The following PACSIN1 variants were observed in gnomAD, a reference collection of about 807,000 sequenced individuals.
PACSIN1 encodes protein kinase C and casein kinase substrate in neurons protein 1.
A neutral mutation model predicts 59.5 loss-of-function variants in PACSIN1; 15 were observed. The ratio of observed to expected loss-of-function variants is 0.25; its 90% CI spans 0.17 to 0.39. The LOEUF (loss-of-function observed/expected upper bound fraction) is 0.39, where lower values mean the gene tolerates loss of function less well. Among genes scored for constraint, PACSIN1 ranks in the 10% least tolerant of loss-of-function variants. The pLI is 1.00. For synonymous variants in PACSIN1, 210 were observed against 220.6 expected (o/e 0.95, Z 0.42); for missense variants, 420 against 580.2 (o/e 0.72, Z 2.84).
intron 1 of PACSIN1, among the ~76,000 whole-genome samples, chr6:34,499,531 C>G (rs1016991694): frequency 1.3e-5 from 2 of 152,042 alleles, no homozygotes; most frequent in African/African-American, 4.8e-5. Flanking sequence ...CAGTGGCTCA[C>G]GCCTGTAATC....
intron 1 of PACSIN1, among the ~76,000 whole-genome samples, chr6:34,522,727 AG>A (rs1432159652): frequency 6.6e-6 from 1 of 152,204 alleles, no homozygotes; most frequent in Non-Finnish European, 1.5e-5. Flanking sequence ...CCTGAGAACC[AG>A]GGGGGCCATG....
intron 1 of PACSIN1, among the ~76,000 whole-genome samples, chr6:34,517,056 A>C (rs1321097438): frequency 6.6e-6 from 1 of 152,150 alleles, no homozygotes; most frequent in African/African-American, 2.4e-5. Flanking sequence ...TCAGGGCTCC[A>C]GAACTGAGCT....
At chr6:34,507,384 T>C (rs1175164939) in intron 1 of PACSIN1, among the ~76,000 whole-genome samples, 1 of 152,034 alleles carries the variant, frequency 6.6e-6, no homozygotes, top group African/African-American at 2.4e-5. Context: ...ATAGGGGTGG[T>C]TTTAGCAGGA....
intron 1 of PACSIN1, among the ~76,000 whole-genome samples, chr6:34,485,780 G>T (rs1306007903): frequency 6.6e-6 from 1 of 152,202 alleles, no homozygotes; most frequent in African/African-American, 2.4e-5. Flanking sequence ...GACACAGAGT[G>T]GGAGTGTGGT....
intron 1 of PACSIN1, among the ~76,000 whole-genome samples, chr6:34,482,569 C>A (rs768666329): frequency 7.9e-5 from 12 of 151,994 alleles, no homozygotes; most frequent in Non-Finnish European, 1.6e-4. Context: ...ATGAATAATA[C>A]TTCTAAGAAC....
intron 1 of PACSIN1, among the ~76,000 whole-genome samples, chr6:34,490,251 G>C (rs1554168402): frequency 1.1e-5 from 1 of 89,306 alleles, no homozygotes; most frequent in Non-Finnish European, 2.0e-5. Flanking sequence ...TTTTTTTGTA[G>C]AGACAGGGTC....
chr6:34,514,609 G>A lies in PACSIN1; in HGVS notation c.-63-11634G>A, dbSNP rs1339354678. Among the ~76,000 whole-genome samples the A allele has an allele frequency of 6.6e-6, 1 of 152,118 alleles. No individual in the cohort carries two copies. The highest frequency in any genetic ancestry group is 1.9e-4 in the East Asian group (1 of 5,182). On this transcript the variant is annotated intron_variant, in intron 1 of 9. Coordinates refer to ENST00000244458, the MANE Select transcript of PACSIN1 (RefSeq NM_020804.5). The surrounding 1 kb of genome is among the most constrained non-coding windows in gnomAD (Gnocchi z 4.4). ...GAAAGGGAAGAAAGGGGATGGAGCA[G>A]GGCTTCCCAGTCGAGGGCGGCGGCC...
rs1326704806 is a variant in PACSIN1, at chr6:34,518,907, G to T, written c.-63-7336G>T. Among the ~76,000 whole-genome samples the T allele has an allele frequency of 6.6e-6, 1 of 152,228 alleles. No homozygotes were observed. The highest frequency in any genetic ancestry group is 6.5e-5 in the Admixed American group (1 of 15,286). On this transcript the variant is annotated intron_variant, in intron 1 of 9. Transcript: ENST00000244458. The surrounding 1 kb of genome is among the most constrained non-coding windows in gnomAD (Gnocchi z 4.4). The stretch of plus-strand genomic sequence containing the variant: ...GATGAGCCTGCCCCACCTGAAACAG[G>T]CTTAGAGGCCCTCTAAAGATGTGGG...
chr6:34,530,578 A>G lies in PACSIN1; in HGVS notation c.1028A>G (p.Asp343Gly). The G allele has an allele frequency of 6.3e-7, 1 of 1,579,824 alleles. No individual in the cohort carries two copies. The highest frequency in any genetic ancestry group is 8.6e-7 in the Non-Finnish European group (1 of 1,162,748). The change falls in exon 8 of 10, where the codon GAC (aspartate) becomes GGC (glycine). Residue 343 changes from aspartate (D) to glycine (G), a missense_variant. Coordinates refer to ENST00000244458, the MANE Select transcript of PACSIN1 (RefSeq NM_020804.5). This position sits in a 1 kb window ranked among gnomAD's most constrained non-coding sequence, Gnocchi z 4.4. ...GTAGAGTCCACATCCCAGGCTGGGG[A>G]CCGCGGCAGGTGAGTGCCTCCTGTG... Reference protein sequence around the residue: ...GAVESTSQAGDRGSVSSYDRG... With the variant: ...GAVESTSQAGGRGSVSSYDRG...
chr6:34,489,584 C>T (rs1488062441), intron 1 of PACSIN1, among the ~76,000 whole-genome samples: 1 of 152,186 alleles, frequency 6.6e-6, no homozygotes, highest in African/African-American at 2.4e-5. Context: ...GGCCAAAGCA[C>T]CAGTGTGGGG....
In PACSIN1 at chr6:34,530,375, T is replaced by G; in HGVS notation, c.909+12T>G. The G allele has an allele frequency of 7.4e-6, 12 of 1,612,670 alleles. No homozygotes were observed. The highest frequency in any genetic ancestry group is 1.0e-5 in the Non-Finnish European group (12 of 1,179,050). The stretch of plus-strand genomic sequence containing the variant: ...GGCCCCAGTTTGAGGTGAGGATATG[T>G]GGGGATGGGAAGGGGAGCCTGAAGA... On this transcript the variant is annotated intron_variant, in intron 7 of 9. Coordinates refer to ENST00000244458, the MANE Select transcript of PACSIN1 (RefSeq NM_020804.5). This position sits in a 1 kb window ranked among gnomAD's most constrained non-coding sequence, Gnocchi z 4.4.
Position 34,518,511 on chromosome 6 carries a change from A to G in PACSIN1, c.-63-7732A>G, listed in dbSNP as rs1396862751. Among the ~76,000 whole-genome samples, 1 of 152,160 alleles carries G rather than the reference A, an allele frequency of 6.6e-6. No individual in the cohort carries two copies. Among genetic ancestry groups the G allele is most frequent in the Non-Finnish European group, 1.5e-5 (1 of 68,014 alleles). On this transcript the variant is annotated intron_variant, in intron 1 of 9. Transcript: ENST00000244458. This position sits in a 1 kb window ranked among gnomAD's most constrained non-coding sequence, Gnocchi z 4.4. ...GGCTCCCCGAGAAGCCAACCCCAAG[A>G]CAAGGATATGATTCATTTAGGAGGT...
chr6:34,500,182 C>A (rs543091737), intron 1 of PACSIN1, among the ~76,000 whole-genome samples: 1 of 152,162 alleles, frequency 6.6e-6, no homozygotes, highest in East Asian at 1.9e-4. Context: ...TAGGGAAATG[C>A]AAATAAAAAA....
In PACSIN1 at chr6:34,529,510, G is replaced by A. The variant is rs757916545; in HGVS notation, c.570G>A (p.Lys190=). The change falls in exon 5 of 10, where the codon AAG becomes AAA. Residue 190 remains lysine (K), a synonymous_variant. Coordinates refer to ENST00000244458, the MANE Select transcript of PACSIN1 (RefSeq NM_020804.5). The surrounding 1 kb of genome is among the most constrained non-coding windows in gnomAD (Gnocchi z 6.3). Reference sequence around the variant, plus strand: ...CGGTCACACCTGAGCAGCAAAAGAAGCTGCAGGACAAAGTGGACAAGTGCA... The same window carrying A: ...CGGTCACACCTGAGCAGCAAAAGAAACTGCAGGACAAAGTGGACAAGTGCA... ...EQSVTPEQQK[K]LQDKVDKCKQ... 1.2e-5 allele frequency: 19 copies of A among 1,614,188 alleles called. No homozygotes were observed. The highest frequency in any genetic ancestry group is 1.6e-5 in the Non-Finnish European group (19 of 1,180,036).
chr6:34,487,363 A>G (rs551146838), intron 1 of PACSIN1, among the ~76,000 whole-genome samples: 10 of 152,098 alleles, frequency 6.6e-5, no homozygotes, highest in Non-Finnish European at 1.2e-4. Flanking sequence ...ATGGAACTTC[A>G]CAGACATGGA....
chr6:34,531,658 G>C lies in PACSIN1; in HGVS notation c.1096G>C (p.Gly366Arg). 4 of 1,614,032 alleles carry C rather than the reference G, an allele frequency of 2.5e-6. No individual in the cohort carries two copies. The highest frequency in any genetic ancestry group is 3.4e-6 in the Non-Finnish European group (4 of 1,180,024). Residue 366 changes from glycine (G) to arginine (R), a missense_variant, in exon 9 of 10, where the codon GGG (glycine) becomes CGG (arginine). Physicochemically the swap from Gly to Arg is moderately radical, Grantham distance 125 (BLOSUM62 -2). Transcript: ENST00000244458. The surrounding 1 kb of genome is among the most constrained non-coding windows in gnomAD (Gnocchi z 4.4). ...YATEWSDDES[G>R]NPFGGSETNG... The stretch of plus-strand genomic sequence containing the variant: ...CACCGAGTGGTCAGACGACGAGAGT[G>C]GGAACCCCTTTGGGGGCAGTGAGAC...
At position 34,529,566 on chromosome 6, in the gene PACSIN1, G is replaced by C. The variant is rs1458337383; in HGVS notation, c.612+14G>C. 1 of 1,613,896 alleles carries C rather than the reference G, an allele frequency of 6.2e-7. No individual in the cohort carries two copies. The highest frequency in any genetic ancestry group is 8.5e-7 in the Non-Finnish European group (1 of 1,179,922). On this transcript the variant is annotated intron_variant, in intron 5 of 9. Coordinates refer to ENST00000244458, the MANE Select transcript of PACSIN1 (RefSeq NM_020804.5). The surrounding 1 kb of genome is among the most constrained non-coding windows in gnomAD (Gnocchi z 6.3). ...GATGTGCAGAAGGTGCTGGCGGGCA[G>C]GGATGGCAGTAGGGGGTCTGGGGGC...
At chr6:34,519,717 T>C (rs1767355356) in intron 1 of PACSIN1, among the ~76,000 whole-genome samples, 1 of 151,884 alleles carries the variant, frequency 6.6e-6, no homozygotes, top group African/African-American at 2.4e-5. Context: ...ATCATGGGGG[T>C]AGGTGCTATC....
Position 34,516,610 on chromosome 6 carries a change from G to A in PACSIN1, c.-63-9633G>A, listed in dbSNP as rs1337598048. On this transcript the variant is annotated intron_variant, in intron 1 of 9. Transcript: ENST00000244458. The surrounding 1 kb of genome is among the most constrained non-coding windows in gnomAD (Gnocchi z 5.4). Reference sequence around the variant, plus strand: ...TGAGGCCTGGAGGGCAGGTTCTTTGGGTGAGAGCTGAAGGAACGTCTGTCC... The same window carrying A: ...TGAGGCCTGGAGGGCAGGTTCTTTGAGTGAGAGCTGAAGGAACGTCTGTCC... Among the ~76,000 whole-genome samples, 1 of 152,066 alleles carries A rather than the reference G, an allele frequency of 6.6e-6. No homozygotes were observed. Among genetic ancestry groups the A allele is most frequent in the African/African-American group, 2.4e-5 (1 of 41,398 alleles).
Sources: allele counts gnomAD v4.1 joint callset (sites outside exome capture counted in the v4.1 genomes callset), GRCh38; gene constraint gnomAD v4.1.1; non-coding constraint Gnocchi (gnomAD v3.1); transcripts MANE v1.5; gene names NCBI Gene and HGNC (gene_info 2026-07-23, HGNC 2026-07-21).